Variants in MTUS1 observed in about 807,000 individuals in gnomAD.
MTUS1 encodes microtubule associated scaffold protein 1.
MTUS1 carries 109 observed loss-of-function variants against 120.8 expected under a neutral mutation model. The observed-to-expected ratio is 0.90, with a 90% CI of 0.77 to 1.06. The LOEUF (loss-of-function observed/expected upper bound fraction) is 1.06. Ranked by LOEUF, MTUS1 falls within the 50% of genes least tolerant of loss-of-function variation. The pLI, the probability that MTUS1 is intolerant of heterozygous loss-of-function variation, is 0.00. For synonymous variants in MTUS1, 737 were observed against 550.5 expected, an observed-to-expected ratio of 1.34 and a Z score of -4.74; for missense variants, 2,210 against 1,486.3, an observed-to-expected ratio of 1.49 and a Z score of -8.01.
At chr8:17,685,376 A>C (rs890924440) in intron 6 of MTUS1, among the ~76,000 whole-genome samples, 2 of 152,232 alleles carry the variant, frequency 1.3e-5, no homozygotes, top group African/African-American at 4.8e-5. Context: ...TTGAATATCA[A>C]ACAGAATTGG....
At chr8:17,791,622 A>G (rs889952083) in intron 1 of MTUS1, among the ~76,000 whole-genome samples, 1 of 152,232 alleles carries the variant, frequency 6.6e-6, no homozygotes, top group African/African-American at 2.4e-5. Context: ...GCAGCTCACT[A>G]GACTTAAACT....
At chr8:17,724,373 C>A (rs1324461309) in intron 3 of MTUS1, among the ~76,000 whole-genome samples, 1 of 152,106 alleles carries the variant, frequency 6.6e-6, no homozygotes, top group Non-Finnish European at 1.5e-5. Context: ...CAAAATTCTC[C>A]TGAGTGGAAA....
chr8:17,792,733 G>A (rs1024001127), intron 1 of MTUS1, among the ~76,000 whole-genome samples: 10 of 152,118 alleles, frequency 6.6e-5, no homozygotes, highest in South Asian at 2.1e-4. Flanking sequence ...GCGCGGTGGC[G>A]CATACCTGTA....
At chr8:17,673,318 T>A (rs113330967) in intron 8 of MTUS1, among the ~76,000 whole-genome samples, 3 of 152,292 alleles carry the variant, frequency 2.0e-5, no homozygotes, top group African/African-American at 7.2e-5. Context: ...GTCTTAAAAT[T>A]ACTTTTCCAT....
At chr8:17,710,284 G>C (rs574658995) in intron 6 of MTUS1, among the ~76,000 whole-genome samples, 1 of 152,294 alleles carries the variant, frequency 6.6e-6, no homozygotes, top group East Asian at 1.9e-4. Context: ...ACCCACAGCA[G>C]AGAGTCTTTC....
chr8:17,710,331 T>A (rs1454959309), intron 6 of MTUS1, among the ~76,000 whole-genome samples: 1 of 152,240 alleles, frequency 6.6e-6, no homozygotes, highest in Non-Finnish European at 1.5e-5. Context: ...CTGCCACTGC[T>A]TTAAGTTTAT....
chr8:17,763,325 A>G (rs1378447516), intron 1 of MTUS1, among the ~76,000 whole-genome samples: 1 of 152,162 alleles, frequency 6.6e-6, no homozygotes, highest in Admixed American at 6.5e-5. Context: ...GACTTTCTCT[A>G]CATTTGGACT....
At chr8:17,794,610 A>C (rs1377318607) in intron 1 of MTUS1, among the ~76,000 whole-genome samples, 1 of 152,202 alleles carries the variant, frequency 6.6e-6, no homozygotes, top group Non-Finnish European at 1.5e-5. Context: ...GGACTTCTGC[A>C]ATCCTCACTT....
At chr8:17,730,831 G>T (rs542859297) in intron 3 of MTUS1, among the ~76,000 whole-genome samples, 1 of 152,294 alleles carries the variant, frequency 6.6e-6, no homozygotes, top group East Asian at 1.9e-4. Context: ...ACGGAGAACT[G>T]GGGGTTAGTA....
At chr8:17,782,733 T>C (rs908511421) in intron 1 of MTUS1, among the ~76,000 whole-genome samples, 4 of 152,110 alleles carry the variant, frequency 2.6e-5, no homozygotes, top group African/African-American at 7.2e-5. Flanking sequence ...AAGTCTACAG[T>C]GTAAAAAATG....
intron 1 of MTUS1, among the ~76,000 whole-genome samples, chr8:17,777,963 T>C (rs2050585111): frequency 6.6e-6 from 1 of 152,344 alleles, no homozygotes; most frequent in East Asian, 1.9e-4. Context: ...TTGTGTTTTA[T>C]GATTCCTGCT....
At chr8:17,680,254 A>G (rs1317681655) in intron 7 of MTUS1, among the ~76,000 whole-genome samples, 1 of 151,974 alleles carries the variant, frequency 6.6e-6, no homozygotes, top group East Asian at 1.9e-4. Flanking sequence ...ACTTGAGGTG[A>G]GGACTTTAAG....
At chr8:17,702,477 T>C (rs910057603) in intron 6 of MTUS1, among the ~76,000 whole-genome samples, 33 of 152,334 alleles carry the variant, frequency 2.2e-4, no homozygotes, top group African/African-American at 7.2e-4. Context: ...GTAGGCACAA[T>C]GCTGTAACAA....
intron 1 of MTUS1, among the ~76,000 whole-genome samples, chr8:17,768,288 T>C (rs1315153749): frequency 6.6e-6 from 1 of 152,156 alleles, no homozygotes; most frequent in African/African-American, 2.4e-5. Flanking sequence ...AGGATATTAA[T>C]TCAGGATTTT....
chr8:17,705,108 G>A (rs745428736), intron 6 of MTUS1, among the ~76,000 whole-genome samples: 1 of 152,046 alleles, frequency 6.6e-6, no homozygotes, highest in African/African-American at 2.4e-5. Flanking sequence ...TCAGCCTCAT[G>A]AGTGCTGGGA....
chr8:17,684,973 C>T (rs1372187977), intron 6 of MTUS1, among the ~76,000 whole-genome samples: 1 of 152,158 alleles, frequency 6.6e-6, no homozygotes, highest in South Asian at 2.1e-4. Flanking sequence ...TCTCTCCTCC[C>T]ATACATTTTC....
chr8:17,782,196 T>C (rs2050924733), intron 1 of MTUS1, among the ~76,000 whole-genome samples: 1 of 152,178 alleles, frequency 6.6e-6, no homozygotes, highest in African/African-American at 2.4e-5. Flanking sequence ...TTCATAACAG[T>C]GAGATTTCAG....
At chr8:17,700,574 A>G (rs1401764892) in intron 6 of MTUS1, among the ~76,000 whole-genome samples, 1 of 152,080 alleles carries the variant, frequency 6.6e-6, no homozygotes, top group Non-Finnish European at 1.5e-5. Context: ...TCTCAACATT[A>G]AACAAAAACG....
intron 4 of MTUS1, chr8:17,722,423 T>G (rs1314932410): frequency 1.0e-6 from 1 of 985,244 alleles, no homozygotes; most frequent in Non-Finnish European, 1.2e-6. Context: ...TGAATTACCT[T>G]TTCAAATTCA....
Sources: gnomAD v4.1 joint callset for allele counts (sites outside exome capture counted in the v4.1 genomes callset) on GRCh38, gnomAD v4.1.1 for gene constraint, MANE v1.5 for transcripts, NCBI Gene and HGNC (gene_info 2026-07-23, HGNC 2026-07-21) for gene names.